CHRNA7: variants seen among roughly 807,000 people sequenced by gnomAD.
CHRNA7 encodes neuronal acetylcholine receptor subunit alpha-7.
CHRNA7 carries 17 observed loss-of-function variants against 48.0 expected under a neutral mutation model. The observed-to-expected ratio is 0.35, with a 90% confidence interval of 0.24 to 0.53. The LOEUF (loss-of-function observed/expected upper bound fraction) is 0.53. Ranked by LOEUF, CHRNA7 falls within the 20% of genes least tolerant of loss-of-function variation. The pLI is 0.92. For synonymous variants in CHRNA7, 75 were observed against 242.3 expected (o/e 0.31, Z 6.41); for missense variants, 155 against 577.7 (o/e 0.27, Z 7.50).
intron 3 of CHRNA7, among the ~76,000 whole-genome samples, chr15:32,106,033 C>T (rs183292937): frequency 4.6e-5 from 7 of 152,304 alleles, no homozygotes; most frequent in Non-Finnish European, 7.4e-5. Context: ...GTCACCAGAG[C>T]AAGCTTGGAT....
In CHRNA7 at chr15:32,063,339, C is replaced by T. The variant is rs1419541608; in HGVS notation, c.195+32302C>T. 3.3e-5 allele frequency among the ~76,000 whole-genome samples: 5 copies of T among 152,174 alleles called. No homozygotes were observed. In the South Asian group the frequency reaches 8.3e-4, roughly 25 times the overall value. ...AATCCTATGGGACCACTTTCAGATA[C>T]GCTGTCCATAGTTCCCTGAAATGTC... On this transcript the variant is annotated intron_variant, in intron 2 of 9. Coordinates refer to ENST00000306901, the MANE Select transcript of CHRNA7 (RefSeq NM_000746.6).
Position 32,147,130 on chromosome 15 carries a change from ATG to A in CHRNA7, c.351-6775_351-6774del, listed in dbSNP as rs766697231. On this transcript the variant is annotated intron_variant, in intron 4 of 9. Coordinates refer to ENST00000306901, the MANE Select transcript of CHRNA7 (RefSeq NM_000746.6). ...CCATATCCAGTTGTTATAATATCCC[ATG>A]TTACATTCAATTTAATATGCCAACT... Among the ~76,000 whole-genome samples, 13 of 152,342 alleles carry A rather than the reference ATG, an allele frequency of 8.5e-5. No individual in the cohort carries two copies. In the East Asian group the frequency reaches 1.9e-3, roughly 23 times the overall value.
At chr15:32,049,288 T>C (rs528370886) in intron 2 of CHRNA7, among the ~76,000 whole-genome samples, 3 of 152,130 alleles carry the variant, frequency 2.0e-5, no homozygotes, top group African/African-American at 7.2e-5. Context: ...TCTAAGTCTC[T>C]TTGTAGGTCA....
At chr15:32,072,080 T>C (rs969989745) in intron 2 of CHRNA7, among the ~76,000 whole-genome samples, 2 of 152,186 alleles carry the variant, frequency 1.3e-5, no homozygotes, top group Non-Finnish European at 2.9e-5. Context: ...GATGGCAATA[T>C]GGACAGTGAA....
intron 2 of CHRNA7, among the ~76,000 whole-genome samples, chr15:32,082,107 A>G (rs1462988403): frequency 1.3e-5 from 2 of 151,546 alleles, no homozygotes; most frequent in Non-Finnish European, 2.9e-5. Flanking sequence ...GTAATGTGTC[A>G]TTTTTCTTTC....
intron 4 of CHRNA7, among the ~76,000 whole-genome samples, chr15:32,137,432 A>G (rs1478261113): frequency 6.6e-6 from 1 of 152,192 alleles, no homozygotes. Flanking sequence ...ATATATAACA[A>G]ATCTTACATG....
intron 2 of CHRNA7, 134 bp downstream of exon 2, chr15:32,031,171 G>C: frequency 1.9e-6 from 2 of 1,038,118 alleles, no homozygotes; most frequent in Admixed American, 2.4e-5. Context: ...GCAGGGCCAT[G>C]CTCTGAGTCT....
At chr15:32,120,962 G>T (rs577833080) in intron 4 of CHRNA7, among the ~76,000 whole-genome samples, 2 of 152,070 alleles carry the variant, frequency 1.3e-5, no homozygotes, top group Non-Finnish European at 2.9e-5. Flanking sequence ...AGGGTCCGCC[G>T]CCACCCCGCC....
At chr15:32,044,770 CACTT>C (rs781382658) in intron 2 of CHRNA7, among the ~76,000 whole-genome samples, 2 of 152,206 alleles carry the variant, frequency 1.3e-5, no homozygotes, top group African/African-American at 2.4e-5. Context: ...ATGCTACTGA[CACTT>C]ACAGGGAAGA....
chr15:32,111,750 C>T (rs1176596948), intron 3 of CHRNA7, 40 bp from the exon 4 acceptor site: 2 of 1,213,416 alleles, frequency 1.6e-6, no homozygotes, highest in South Asian at 1.3e-5. Context: ...TATTAGTAGC[C>T]AAGGAAGTGA....
intron 3 of CHRNA7, 26 bp downstream of exon 3, chr15:32,101,373 C>T (rs200305897): frequency 1.3e-6 from 2 of 1,573,348 alleles, no homozygotes; most frequent in Admixed American, 1.9e-5. Flanking sequence ...GACAATCTCT[C>T]CCATGGGCTG....
At chr15:32,088,085 C>G (rs2050327299) in intron 2 of CHRNA7, among the ~76,000 whole-genome samples, 1 of 152,172 alleles carries the variant, frequency 6.6e-6, no homozygotes, top group South Asian at 2.1e-4. Flanking sequence ...GTACTCTGTG[C>G]TCCATTTGTC....
intron 2 of CHRNA7, among the ~76,000 whole-genome samples, chr15:32,062,486 C>T (rs905007947): frequency 2.6e-5 from 4 of 152,232 alleles, no homozygotes; most frequent in South Asian, 4.1e-4. Flanking sequence ...CTCCAGTAGA[C>T]CTGTAATTTT....
At chr15:32,055,606 CT>C (rs1425172189) in intron 2 of CHRNA7, among the ~76,000 whole-genome samples, 1 of 152,172 alleles carries the variant, frequency 6.6e-6, no homozygotes, top group East Asian at 1.9e-4. Flanking sequence ...ACCTAAGCAT[CT>C]CTTATAGGTT....
At chr15:32,138,987 C>A (rs1219259959) in intron 4 of CHRNA7, among the ~76,000 whole-genome samples, 1 of 152,180 alleles carries the variant, frequency 6.6e-6, no homozygotes, top group African/African-American at 2.4e-5. Context: ...CTCCTGACCT[C>A]GGGTGATCCA....
intron 4 of CHRNA7, among the ~76,000 whole-genome samples, chr15:32,127,452 A>T (rs774932333): frequency 9.9e-5 from 15 of 152,254 alleles, no homozygotes; most frequent in South Asian, 8.3e-4. Flanking sequence ...CATCCTCCCC[A>T]GAATTTGGTG....
intron 4 of CHRNA7, among the ~76,000 whole-genome samples, chr15:32,128,938 C>A (rs1286206561): frequency 6.6e-6 from 1 of 151,788 alleles, no homozygotes; most frequent in African/African-American, 2.4e-5. Context: ...TCCCTCTATT[C>A]CAGTTTTCTG....
At chr15:32,112,012 C>A in intron 4 of CHRNA7, 113 bp downstream of exon 4, 1 of 757,302 alleles carries the variant, frequency 1.3e-6, no homozygotes, top group Non-Finnish European at 2.3e-6. Flanking sequence ...GATCTGGGGC[C>A]ACTGCTCCCT....
chr15:32,142,273 C>T (rs1187449177), intron 4 of CHRNA7, among the ~76,000 whole-genome samples: 2 of 152,158 alleles, frequency 1.3e-5, no homozygotes, highest in Non-Finnish European at 2.9e-5. Flanking sequence ...ATGAAGCCAA[C>T]TTGATCATGA....
Sources: allele counts gnomAD v4.1 joint callset (sites outside exome capture counted in the v4.1 genomes callset), GRCh38; gene constraint gnomAD v4.1.1; transcripts MANE v1.5; gene names NCBI Gene and HGNC (gene_info 2026-07-23, HGNC 2026-07-21).